The following RBFOX1 variants were observed in gnomAD, a reference collection of about 807,000 sequenced individuals.
RBFOX1 encodes the protein RNA binding protein fox-1 homolog 1.
In RBFOX1, 8 loss-of-function variants were observed where a neutral mutation model predicts 57.7. The observed-to-expected ratio is 0.14, with a 90% confidence interval of 0.08 to 0.25. RBFOX1 has a LOEUF of 0.25. RBFOX1 is among the 10% of genes least tolerant of loss of function. The pLI, the probability that RBFOX1 is intolerant of heterozygous loss-of-function variation, is 1.00. For missense variants in RBFOX1, 611 were observed against 548.5 expected (o/e 1.11, Z -1.14); for synonymous variants, 326 against 222.4 (o/e 1.47, Z -4.15).
At chr16:5,983,911 CTCT>C (rs1567220133) in intron 4 of RBFOX1, among the ~76,000 whole-genome samples, 1 of 145,800 alleles carries the variant, frequency 6.9e-6, no homozygotes, top group Non-Finnish European at 1.5e-5. Flanking sequence ...CCTCCTCCTC[CTCT>C]TCCTCCTCCT....
intron 3 of RBFOX1, among the ~76,000 whole-genome samples, chr16:7,036,599 T>A (rs4786137): frequency 0.58 from 88,289 of 151,654 alleles, 26,457 homozygotes; most frequent in South Asian, 0.77. Context: ...AGGCTGAGGC[T>A]GGAGAATCGC....
At chr16:7,537,543 A>G (rs1401646079) in intron 5 of RBFOX1, among the ~76,000 whole-genome samples, 2 of 152,262 alleles carry the variant, frequency 1.3e-5, no homozygotes, top group Admixed American at 6.5e-5. Flanking sequence ...TTTTGCTGCC[A>G]CCTTCTTCTA....
At chr16:5,341,685 G>T (rs984769509) in intron 1 of RBFOX1, among the ~76,000 whole-genome samples, 10 of 152,186 alleles carry the variant, frequency 6.6e-5, no homozygotes, top group Admixed American at 6.5e-5. Context: ...TAGGGTGAGG[G>T]CATCTTCATT....
chr16:6,380,435 TTTTTTTTTTTTA>T (rs2091688375), intron 2 of RBFOX1, among the ~76,000 whole-genome samples: 1 of 71,582 alleles, frequency 1.4e-5, no homozygotes, highest in Non-Finnish European at 2.5e-5. Flanking sequence ...TTTTTTTTTT[TTTTTTTTTTTTA>T]GTAGAACTCA....
chr16:6,520,934 G>C (rs2096486078), intron 2 of RBFOX1, among the ~76,000 whole-genome samples: 1 of 152,172 alleles, frequency 6.6e-6, no homozygotes, highest in Admixed American at 6.5e-5. Context: ...GTGTTGGAAA[G>C]AGTGTAGGGG....
chr16:7,650,566 CCTCT>C (rs34381792), intron 11 of RBFOX1, among the ~76,000 whole-genome samples: 1 of 151,620 alleles, frequency 6.6e-6, no homozygotes, highest in South Asian at 2.1e-4. Context: ...CACGTGCTCC[CCTCT>C]CTCTCTCTTG....
chr16:5,979,825 G>A (rs1308986141), intron 4 of RBFOX1, among the ~76,000 whole-genome samples: 1 of 152,222 alleles, frequency 6.6e-6, no homozygotes, highest in Non-Finnish European at 1.5e-5. Flanking sequence ...TCGTACCACT[G>A]CGCTCCAGCC....
intron 4 of RBFOX1, among the ~76,000 whole-genome samples, chr16:5,883,688 T>C (rs2151922105): frequency 6.6e-6 from 1 of 152,308 alleles, no homozygotes; most frequent in African/African-American, 2.4e-5. Context: ...CTTTCTTTCT[T>C]GTTCTGAGTA....
chr16:6,996,393 G>A (rs575539792), intron 3 of RBFOX1, among the ~76,000 whole-genome samples: 20 of 152,202 alleles, frequency 1.3e-4, no homozygotes, highest in Admixed American at 1.0e-3. Flanking sequence ...AAACATGTAT[G>A]TGTGTGCATG....
At chr16:6,805,676 A>G (rs1192665470) in intron 3 of RBFOX1, among the ~76,000 whole-genome samples, 1 of 149,836 alleles carries the variant, frequency 6.7e-6, no homozygotes, top group Non-Finnish European at 1.5e-5. Flanking sequence ...AATGCTGAAA[A>G]CATGTGAAAT....
At chr16:6,218,827 G>C (rs960806729) in intron 1 of RBFOX1, among the ~76,000 whole-genome samples, 1 of 147,654 alleles carries the variant, frequency 6.8e-6, no homozygotes, top group African/African-American at 2.5e-5. Flanking sequence ...TATTAGTTAA[G>C]TCCCAAATGG....
intron 2 of RBFOX1, among the ~76,000 whole-genome samples, chr16:6,568,083 C>T (rs376776581): frequency 2.0e-5 from 3 of 152,308 alleles, no homozygotes; most frequent in Admixed American, 6.5e-5. Context: ...AGGTCTTTGA[C>T]AGTGCAGCTT....
intron 3 of RBFOX1, among the ~76,000 whole-genome samples, chr16:6,888,341 T>C (rs975068411): frequency 6.6e-6 from 1 of 152,184 alleles, no homozygotes; most frequent in East Asian, 1.9e-4. Context: ...AATGAATCAC[T>C]GAAGCTGTTT....
At chr16:6,096,780 T>C (rs895692163) in intron 1 of RBFOX1, among the ~76,000 whole-genome samples, 1 of 152,212 alleles carries the variant, frequency 6.6e-6, no homozygotes, top group Admixed American at 6.5e-5. Context: ...ATACCCTTGA[T>C]TATCTACCCT....
intron 3 of RBFOX1, among the ~76,000 whole-genome samples, chr16:6,940,566 C>T (rs940212252): frequency 4.6e-5 from 7 of 152,078 alleles, no homozygotes; most frequent in African/African-American, 1.7e-4. Flanking sequence ...TGGAGAGAAG[C>T]AAAAAATTGG....
At chr16:6,081,856 C>G (rs1354742043) in intron 1 of RBFOX1, among the ~76,000 whole-genome samples, 1 of 152,118 alleles carries the variant, frequency 6.6e-6, no homozygotes, top group Non-Finnish European at 1.5e-5. Flanking sequence ...GAGTCCTAGT[C>G]CTTGTAATTG....
chr16:7,156,285 C>T (rs964247653), intron 4 of RBFOX1, among the ~76,000 whole-genome samples: 36 of 150,910 alleles, frequency 2.4e-4, no homozygotes, highest in African/African-American at 8.6e-4. Flanking sequence ...TGTACATATA[C>T]ATGTAGATAT....
At chr16:6,899,166 GTA>G (rs1041046820) in intron 3 of RBFOX1, among the ~76,000 whole-genome samples, 11 of 144,354 alleles carry the variant, frequency 7.6e-5, no homozygotes, top group Admixed American at 2.1e-4. Flanking sequence ...TGTAACATGT[GTA>G]TGTGTGTGTA....
rs141518998 is a variant in RBFOX1 at position 5,784,221 on chromosome 16, A to T, written c.319-83082A>T. Reference sequence around the variant, plus strand: ...TGGATCACGAGGTCAGGAGATCGAGACCATCCTGGCTAACGTGGTGAAACC... The same window carrying T: ...TGGATCACGAGGTCAGGAGATCGAGTCCATCCTGGCTAACGTGGTGAAACC... On this transcript the variant is annotated intron_variant, in intron 3 of 19. Transcript: ENST00000641259. Among the ~76,000 whole-genome samples the T allele has an allele frequency of 3.7e-3, 564 of 152,258 alleles. 4 individuals are homozygous for T. The highest frequency in any genetic ancestry group is 0.013 in the African/African-American group (532 of 41,558).
Sources: allele counts gnomAD v4.1 joint callset (sites outside exome capture counted in the v4.1 genomes callset), GRCh38; gene constraint gnomAD v4.1.1; transcripts MANE v1.5; gene names NCBI Gene and HGNC (gene_info 2026-07-23, HGNC 2026-07-21).